PHIP: variants seen among roughly 807,000 people sequenced by gnomAD.
The protein encoded by PHIP is PH-interacting protein.
Under a neutral mutation model 236.8 loss-of-function variants are expected in PHIP, and 54 were observed. That is an observed-to-expected ratio of 0.23 (90% CI 0.18 to 0.29). The LOEUF (loss-of-function observed/expected upper bound fraction) is 0.29. Ranked by LOEUF, PHIP falls within the 10% of genes least tolerant of loss-of-function variation. The probability of loss-of-function intolerance (pLI) is 1.00; values close to 1 mark genes in which losing one functional copy is unlikely to be tolerated. For synonymous variants in PHIP, 756 were observed against 718.9 expected, an observed-to-expected ratio of 1.05 and a Z score of -0.83; for missense variants, 1,370 against 2,190.8, an observed-to-expected ratio of 0.63 and a Z score of 7.48.
intron 35 of PHIP, among the ~76,000 whole-genome samples, chr6:78,948,397 A>G (rs1416759671): frequency 6.6e-6 from 1 of 152,222 alleles, no homozygotes; most frequent in East Asian, 1.9e-4. Flanking sequence ...AAAAACACAC[A>G]CGTGAAACAG....
intron 17 of PHIP, 33 bp downstream of exon 17, chr6:79,001,866 A>G: frequency 7.0e-7 from 1 of 1,436,110 alleles, no homozygotes; most frequent in Non-Finnish European, 9.8e-7. Flanking sequence ...TGGGAAGAAG[A>G]AAATTTGATT....
rs535539195 is a variant in PHIP, at chr6:79,075,497, TAGAA to T, written c.189+1947_189+1950del. Reference sequence around the variant, plus strand: ...GTGAATTTTGAGCATAATACATAGATAGAAAGAATGCTTACTGTATCTTAAATCT... The same window carrying T: ...GTGAATTTTGAGCATAATACATAGATAGAATGCTTACTGTATCTTAAATCT... On this transcript the variant is annotated intron_variant, in intron 4 of 39. Coordinates refer to ENST00000275034, the MANE Select transcript of PHIP (RefSeq NM_017934.7). Among the ~76,000 whole-genome samples, 21 of 152,112 alleles carry T rather than the reference TAGAA, an allele frequency of 1.4e-4. 1 individual carries two copies. The South Asian group carries it at 2.9e-3, about 21-fold the overall frequency.
At chr6:79,004,507 TC>T in intron 15 of PHIP, 2 of 630,950 alleles carry the variant, frequency 3.2e-6, no homozygotes, top group Non-Finnish European at 4.0e-6. Context: ...CAGACTATGT[TC>T]CAGTTGAAAA....
At chr6:79,053,344 G>T (rs1258589177) in intron 6 of PHIP, among the ~76,000 whole-genome samples, 1 of 152,002 alleles carries the variant, frequency 6.6e-6, no homozygotes, top group Non-Finnish European at 1.5e-5. Context: ...AAAATGTAGG[G>T]TTATCTTAAA....
At chr6:78,946,684 T>C (rs750907130) in intron 37 of PHIP, 27 bp downstream of exon 37, 19 of 1,523,848 alleles carry the variant, frequency 1.2e-5, no homozygotes, top group Non-Finnish European at 2.6e-6. Context: ...ATAGATCAGC[T>C]AGTGGTATTT....
intron 7 of PHIP, among the ~76,000 whole-genome samples, chr6:79,038,200 T>G (rs1772037524): frequency 6.6e-6 from 1 of 152,242 alleles, no homozygotes; most frequent in Non-Finnish European, 1.5e-5. Context: ...TGTTAATTTG[T>G]AAACAGAAAG....
At chr6:78,985,869 T>TA (rs1281588166) in intron 21 of PHIP, among the ~76,000 whole-genome samples, 3 of 152,232 alleles carry the variant, frequency 2.0e-5, no homozygotes, top group African/African-American at 7.2e-5. Context: ...TGCTTCTCTT[T>TA]AAAAAATTAG....
intron 30 of PHIP, 147 bp downstream of exon 30, chr6:78,962,950 C>A (rs955885501): frequency 4.7e-6 from 3 of 633,964 alleles, no homozygotes; most frequent in African/African-American, 3.8e-5. Flanking sequence ...GTGTTAAGAC[C>A]ACATTCAAAA....
intron 32 of PHIP, chr6:78,956,075 C>T (rs1243817177): frequency 6.5e-6 from 1 of 153,138 alleles, no homozygotes; most frequent in African/African-American, 2.4e-5. Flanking sequence ...GCTTCACATA[C>T]TTGTGGTTTA....
At chr6:79,056,093 T>TA (rs1197554017) in intron 6 of PHIP, among the ~76,000 whole-genome samples, 1 of 152,162 alleles carries the variant, frequency 6.6e-6, no homozygotes, top group African/African-American at 2.4e-5. Flanking sequence ...TAAAGAGCAA[T>TA]AAAACATAAT....
In PHIP at chr6:78,938,252, T is replaced by C. The variant is rs1037405753; in HGVS notation, c.*2441A>G. ...ACTAAGAAACCAGTGTCTAATAATG[T>C]CCAAATAAGGTCATAAATATACAGT... On this transcript the variant is annotated 3_prime_UTR_variant, in exon 40 of 40. Coordinates refer to ENST00000275034, the MANE Select transcript of PHIP (RefSeq NM_017934.7). 5.3e-5 allele frequency: 8 copies of C among 151,794 alleles called. No individual in the cohort carries two copies. Among genetic ancestry groups the C allele is most frequent in the Admixed American group, 4.6e-4 (7 of 15,256 alleles). The allele number at this position is 151,794 out of a possible 1,614,324, so 9.4% of individuals were successfully genotyped here. A position where few individuals can be genotyped will look rare whatever the true frequency, so the allele number is the denominator to read the frequency against.
At chr6:78,945,934 T>G in intron 38 of PHIP, 67 bp downstream of exon 38, 1 of 1,146,120 alleles carries the variant, frequency 8.7e-7, no homozygotes, top group East Asian at 2.4e-5. Context: ...TATATTGCAT[T>G]TGGCAAAGTA....
At position 78,975,323 on chromosome 6, in the gene PHIP, A is replaced by G. The variant is rs1294738012; in HGVS notation, c.2889+3269T>C. ...AAAAGGCCTTTGACAAAAATCAACA[A>G]CCTTTCATGCTAAAAACTCTCAATA... On this transcript the variant is annotated intron_variant, in intron 24 of 39. Coordinates refer to ENST00000275034, the MANE Select transcript of PHIP (RefSeq NM_017934.7). Among the ~76,000 whole-genome samples, 3 of 152,290 alleles carry G rather than the reference A, an allele frequency of 2.0e-5. No homozygotes were observed. In the East Asian group the frequency reaches 5.8e-4, roughly 29 times the overall value.
intron 27 of PHIP, 41 bp from the exon 28 acceptor site, chr6:78,966,097 T>C (rs770817558): frequency 8.3e-7 from 1 of 1,203,786 alleles, no homozygotes; most frequent in Non-Finnish European, 1.2e-6. Context: ...CTGAAATGCA[T>C]GGCTGCTGTC....
At chr6:79,070,809 A>T (rs981430436) in intron 4 of PHIP, among the ~76,000 whole-genome samples, 1 of 152,172 alleles carries the variant, frequency 6.6e-6, no homozygotes, top group African/African-American at 2.4e-5. Context: ...ATCTAATACA[A>T]CGTAAATGTT....
rs541970520 is a variant in PHIP at position 78,955,427 on chromosome 6, T to TC, written c.3853-146dup. On this transcript the variant is annotated intron_variant, in intron 33 of 39. Coordinates refer to ENST00000275034, the MANE Select transcript of PHIP (RefSeq NM_017934.7). ...CACTTTATTGACTCATTAAAAAGGTTCCCCCCATTAAAAAATTTTTTTTAA... is the reference window on the plus strand; with the variant it reads ...CACTTTATTGACTCATTAAAAAGGTTCCCCCCCATTAAAAAATTTTTTTTAA... 586 of 627,370 alleles carry TC rather than the reference T, an allele frequency of 9.3e-4. 3 individuals carry two copies. In the African/African-American group the frequency reaches 0.01, roughly 11 times the overall value. The allele number at this position is 627,370 out of a possible 1,614,324, so 38.9% of individuals were successfully genotyped here. A position where few individuals can be genotyped will look rare whatever the true frequency, so the allele number is the denominator to read the frequency against.
At chr6:79,040,699 C>T (rs1772166412) in intron 7 of PHIP, among the ~76,000 whole-genome samples, 2 of 152,030 alleles carry the variant, frequency 1.3e-5, no homozygotes, top group African/African-American at 2.4e-5. Flanking sequence ...ATATGTGTAC[C>T]CTACCACCAC....
intron 24 of PHIP, among the ~76,000 whole-genome samples, chr6:78,973,271 C>G (rs1582141269): frequency 6.6e-6 from 1 of 151,404 alleles, no homozygotes; most frequent in Non-Finnish European, 1.5e-5. Context: ...CATATCCAGC[C>G]AAAGTAAGCT....
chr6:79,012,351 G>A (rs1770627008), intron 15 of PHIP, among the ~76,000 whole-genome samples: 1 of 151,670 alleles, frequency 6.6e-6, no homozygotes, highest in Admixed American at 6.6e-5. Flanking sequence ...GCTGTAGGTG[G>A]AATGGTGAGT....
Sources: allele counts gnomAD v4.1 joint callset (sites outside exome capture counted in the v4.1 genomes callset), GRCh38; gene constraint gnomAD v4.1.1; transcripts MANE v1.5; gene names NCBI Gene and HGNC (gene_info 2026-07-23, HGNC 2026-07-21).